Variants in BBX observed in about 807,000 individuals in gnomAD.
BBX encodes the protein HMG box transcription factor BBX.
A neutral mutation model predicts 100.2 loss-of-function variants in BBX; 30 were observed. That is an observed-to-expected ratio of 0.30 (90% CI 0.22 to 0.41). BBX has a LOEUF of 0.41. BBX is among the 10% of genes least tolerant of loss of function. The probability of loss-of-function intolerance (pLI) is 1.00; values close to 1 mark genes in which losing one functional copy is unlikely to be tolerated. For synonymous variants in BBX, 376 were observed against 388.1 expected (o/e 0.97, Z 0.37); for missense variants, 1,023 against 1,129.8 (o/e 0.91, Z 1.35).
intron 2 of BBX, among the ~76,000 whole-genome samples, chr3:107,583,976 TTATATTATTA>T (rs1455606734): frequency 4.2e-5 from 3 of 70,846 alleles, no homozygotes; most frequent in East Asian, 7.2e-4. Context: ...ATATATATTA[TTATATTATTA>T]TATATTATTA....
At chr3:107,780,517 A>G (rs566903156) in intron 13 of BBX, among the ~76,000 whole-genome samples, 1 of 152,030 alleles carries the variant, frequency 6.6e-6, no homozygotes, top group Non-Finnish European at 1.5e-5. Flanking sequence ...ATTATACTTC[A>G]TACAATATCA....
intron 3 of BBX, among the ~76,000 whole-genome samples, chr3:107,656,297 A>G (rs938407427): frequency 9.9e-5 from 15 of 152,134 alleles, no homozygotes; most frequent in African/African-American, 2.9e-4. Context: ...ATCAATAGCT[A>G]TTTTGTATTA....
Position 107,639,130 on chromosome 3 carries a change from ATAAT to A in BBX, c.-83-6701_-83-6698del, listed in dbSNP as rs558646367. ...TTTCCATTTAAAATTATGTAAATTG[ATAAT>A]TAATGACTTCCCTTTTTATCAAATG... On this transcript the variant is annotated intron_variant, in intron 2 of 17. Transcript: ENST00000325805. Among the ~76,000 whole-genome samples, 252 of 152,342 alleles carry A rather than the reference ATAAT, an allele frequency of 1.7e-3. 1 individual carries two copies. Among genetic ancestry groups the A allele is most frequent in the Non-Finnish European group, 2.6e-3 (179 of 68,030 alleles).
chr3:107,718,509 G>T (rs1350671383), intron 5 of BBX, among the ~76,000 whole-genome samples: 1 of 151,684 alleles, frequency 6.6e-6, no homozygotes, highest in Non-Finnish European at 1.5e-5. Flanking sequence ...TCATAGTCAT[G>T]CTTATATAGT....
intron 3 of BBX, among the ~76,000 whole-genome samples, chr3:107,654,389 T>C (rs1423141131): frequency 2.0e-5 from 3 of 152,202 alleles, no homozygotes; most frequent in Non-Finnish European, 4.4e-5. Flanking sequence ...AGTGTTTCAA[T>C]CATGTCTCTT....
At chr3:107,655,148 C>A (rs1321222490) in intron 3 of BBX, among the ~76,000 whole-genome samples, 1 of 152,084 alleles carries the variant, frequency 6.6e-6, no homozygotes. Context: ...TTAACATTTA[C>A]TTTTATTGTT....
intron 5 of BBX, among the ~76,000 whole-genome samples, chr3:107,721,022 C>A (rs2062489045): frequency 1.3e-5 from 2 of 152,154 alleles, no homozygotes; most frequent in Middle Eastern, 3.4e-3. Context: ...TAGCACTTTG[C>A]CTACTATTAG....
In BBX at chr3:107,732,924, A is replaced by G. The variant is rs62262030; in HGVS notation, c.602-32A>G. Reference sequence around the variant, plus strand: ...TGTGGATTGTATGTACTTTATGCTTATAAGTTGGTGATTTGTTTTTGACTT... The same window carrying G: ...TGTGGATTGTATGTACTTTATGCTTGTAAGTTGGTGATTTGTTTTTGACTT... On this transcript the variant is annotated intron_variant, in intron 6 of 17. Coordinates refer to ENST00000325805, the MANE Select transcript of BBX (RefSeq NM_001142568.3). 9.2e-3 allele frequency: 14,501 copies of G among 1,572,146 alleles called. 93 individuals are homozygous for G. The highest frequency in any genetic ancestry group is 0.016 in the Middle Eastern group (93 of 5,964).
chr3:107,619,722 C>G (rs895464231), intron 2 of BBX, among the ~76,000 whole-genome samples: 1 of 152,056 alleles, frequency 6.6e-6, no homozygotes. Flanking sequence ...GGTATAGGAT[C>G]CTGGATCGAC....
At chr3:107,726,484 G>A (rs918307813) in intron 5 of BBX, among the ~76,000 whole-genome samples, 5 of 152,046 alleles carry the variant, frequency 3.3e-5, no homozygotes, top group South Asian at 4.2e-4. Flanking sequence ...ACTAATGAAC[G>A]TGGTTTTGAA....
chr3:107,595,157 T>C (rs2107603182), intron 2 of BBX, among the ~76,000 whole-genome samples: 1 of 152,336 alleles, frequency 6.6e-6, no homozygotes, highest in Middle Eastern at 3.4e-3. Context: ...AGTTCTAGTT[T>C]TGACTTTCAT....
chr3:107,523,365 C>CGGGGGCG lies in BBX; in HGVS notation c.-156+259_-156+265dup, dbSNP rs1193198320. 2.6e-5 allele frequency: 4 copies of CGGGGGCG among 152,504 alleles called. No homozygotes were observed. The East Asian group carries it at 7.7e-4, about 29-fold the overall frequency. The allele number at this position is 152,504 out of a possible 1,614,324, so 9.4% of individuals were successfully genotyped here. A position where few individuals can be genotyped will look rare whatever the true frequency, so the allele number is the denominator to read the frequency against. On this transcript the variant is annotated intron_variant, in intron 1 of 17. Coordinates refer to ENST00000325805, the MANE Select transcript of BBX (RefSeq NM_001142568.3). ...GCCAAAACTTTGGGTCGGGAGAGGT[C>CGGGGGCG]GGGGGCGAGGGTCGCGGCGGCCGCG...
chr3:107,706,256 C>G (rs1297151833), intron 3 of BBX, among the ~76,000 whole-genome samples: 1 of 152,032 alleles, frequency 6.6e-6, no homozygotes, highest in Non-Finnish European at 1.5e-5. Context: ...CTCTTAACCT[C>G]GTGATCCACC....
At chr3:107,627,431 G>A (rs1026642012) in intron 2 of BBX, among the ~76,000 whole-genome samples, 2 of 152,184 alleles carry the variant, frequency 1.3e-5, no homozygotes, top group South Asian at 2.1e-4. Flanking sequence ...TTAGAAGCTT[G>A]ATTGGTTGTT....
At chr3:107,638,007 A>G (rs2056953250) in intron 2 of BBX, among the ~76,000 whole-genome samples, 1 of 152,038 alleles carries the variant, frequency 6.6e-6, no homozygotes, top group African/African-American at 2.4e-5. Context: ...TTGAACTCCC[A>G]GGCTCAAGCC....
At chr3:107,643,611 G>A (rs1391690058) in intron 2 of BBX, among the ~76,000 whole-genome samples, 1 of 151,930 alleles carries the variant, frequency 6.6e-6, no homozygotes, top group African/African-American at 2.4e-5. Context: ...CCCAGGCGTT[G>A]GTCTCAGGGC....
At position 107,805,541 on chromosome 3, in the gene BBX, T is replaced by G. The variant is rs2071005489; in HGVS notation, c.*84T>G. The G allele has an allele frequency of 8.7e-6, 14 of 1,609,396 alleles. No homozygotes were observed. The highest frequency in any genetic ancestry group is 1.2e-5 in the Non-Finnish European group (14 of 1,177,322). ...GAGGGATGCTAGTGAGTCCAAGTGGTGGAAAATATAGACTGCAAACAAGTG... is the reference window on the plus strand; with the variant it reads ...GAGGGATGCTAGTGAGTCCAAGTGGGGGAAAATATAGACTGCAAACAAGTG... On this transcript the variant is annotated 3_prime_UTR_variant, in exon 18 of 18. Transcript: ENST00000325805.
intron 2 of BBX, among the ~76,000 whole-genome samples, chr3:107,598,301 A>C (rs1043740094): frequency 6.6e-6 from 1 of 152,166 alleles, no homozygotes; most frequent in Non-Finnish European, 1.5e-5. Context: ...GCATCTATGC[A>C]TCTGTTTATA....
At chr3:107,769,293 C>T (rs934735633) in intron 10 of BBX, among the ~76,000 whole-genome samples, 1 of 151,956 alleles carries the variant, frequency 6.6e-6, no homozygotes, top group African/African-American at 2.4e-5. Flanking sequence ...TCCATTTTCC[C>T]CAAGCTTTGT....
Sources: allele counts gnomAD v4.1 joint callset (sites outside exome capture counted in the v4.1 genomes callset), GRCh38; gene constraint gnomAD v4.1.1; transcripts MANE v1.5; gene names NCBI Gene and HGNC (gene_info 2026-07-23, HGNC 2026-07-21).